TMEM266: variants seen among roughly 807,000 people sequenced by gnomAD.
The protein encoded by TMEM266 is transmembrane protein 266.
TMEM266 carries 33 observed loss-of-function variants against 50.5 expected under a neutral mutation model. That is an observed-to-expected ratio of 0.65 (90% confidence interval 0.50 to 0.87). The LOEUF (loss-of-function observed/expected upper bound fraction) is 0.87. Among genes scored for constraint, TMEM266 ranks in the 40% least tolerant of loss-of-function variants. TMEM266 has a pLI of 0.00. For missense variants in TMEM266, 655 were observed against 695.1 expected (o/e 0.94, Z 0.65); for synonymous variants, 310 against 292.3 (o/e 1.06, Z -0.62).
At position 76,169,889 on chromosome 15, in the gene TMEM266, A is replaced by G. The variant is rs1203523751; in HGVS notation, c.513+17A>G. 4.3e-6 allele frequency: 7 copies of G among 1,610,802 alleles called. No homozygotes were observed. Among genetic ancestry groups the G allele is most frequent in the East Asian group, 2.2e-5 (1 of 44,854 alleles). ...AAAATAGAGGTAAAGACCAATGTCC[A>G]CCCCCAAAGCCCCCACTCTGCCATC... On this transcript the variant is annotated intron_variant, in intron 6 of 10. Transcript: ENST00000388942.
intron 9 of TMEM266, 139 bp downstream of exon 9, chr15:76,192,296 A>G (rs948551879): frequency 6.8e-5 from 54 of 796,194 alleles, no homozygotes; most frequent in Non-Finnish European, 9.2e-5. Context: ...TGATTGGGGG[A>G]CACGCTCAGA....
At chr15:76,086,556 C>T (rs1466077486) in intron 1 of TMEM266, among the ~76,000 whole-genome samples, 1 of 152,206 alleles carries the variant, frequency 6.6e-6, no homozygotes, top group East Asian at 1.9e-4. Context: ...GTACTCTCCA[C>T]AGGCTGGGAG....
Position 76,118,806 on chromosome 15 carries a change from C to T in TMEM266, c.-96-15362C>T, listed in dbSNP as rs150052024. On this transcript the variant is annotated intron_variant, in intron 1 of 10. Transcript: ENST00000388942. ...TCCTTCCGGCATCCCAGGAGATTTA[C>T]GTAGAGTGTCATCACGTAGTAGCAT... Among the ~76,000 whole-genome samples, 4 of 152,284 alleles carry T rather than the reference C, an allele frequency of 2.6e-5. No homozygotes were observed. In the East Asian group the frequency reaches 7.7e-4, roughly 29 times the overall value.
chr15:76,144,780 C>T (rs1596132713), intron 3 of TMEM266, among the ~76,000 whole-genome samples: 1 of 152,166 alleles, frequency 6.6e-6, no homozygotes, highest in African/African-American at 2.4e-5. Flanking sequence ...TGCGTGTCCA[C>T]AGACGTGAAC....
intron 3 of TMEM266, among the ~76,000 whole-genome samples, chr15:76,138,222 C>CAAAA (rs376580547): frequency 2.8e-5 from 2 of 71,876 alleles, no homozygotes; most frequent in South Asian, 6.9e-4. Context: ...AACTCTGTCT[C>CAAAA]AAAAAAAAAA....
chr15:76,085,378 C>T (rs1022599892), intron 1 of TMEM266, among the ~76,000 whole-genome samples: 1 of 152,046 alleles, frequency 6.6e-6, no homozygotes, highest in African/African-American at 2.4e-5. Flanking sequence ...GTGCCTCAGC[C>T]TCCTGAGTAG....
rs1306587023 is a variant in TMEM266, at chr15:76,161,833, G to A, written c.456+1665G>A. Among the ~76,000 whole-genome samples the A allele has an allele frequency of 6.6e-6, 1 of 152,282 alleles. No individual in the cohort carries two copies. Among genetic ancestry groups the A allele is most frequent in the South Asian group, 2.1e-4 (1 of 4,832 alleles). Reference sequence around the variant, plus strand: ...CTCTGCCCGGCCAGGATTCCCTCCCGCAAACACATGGGCCGTGGCCAGATG... The same window carrying A: ...CTCTGCCCGGCCAGGATTCCCTCCCACAAACACATGGGCCGTGGCCAGATG... On this transcript the variant is annotated intron_variant, in intron 5 of 10. Coordinates refer to ENST00000388942, the MANE Select transcript of TMEM266 (RefSeq NM_152335.3). The surrounding 1 kb of genome is among the most constrained non-coding windows in gnomAD (Gnocchi z 4.1).
intron 9 of TMEM266, among the ~76,000 whole-genome samples, chr15:76,198,541 A>G (rs1410240552): frequency 6.6e-6 from 1 of 152,218 alleles, no homozygotes; most frequent in Non-Finnish European, 1.5e-5. Flanking sequence ...GTGGGCAGTG[A>G]GACTTCCTAC....
intron 3 of TMEM266, among the ~76,000 whole-genome samples, chr15:76,155,967 G>C (rs1459157538): frequency 2.0e-5 from 3 of 152,192 alleles, no homozygotes; most frequent in East Asian, 3.8e-4. Flanking sequence ...CGCTGCACTT[G>C]CCACATAGGC....
At chr15:76,069,726 G>C (rs2141983014) in intron 1 of TMEM266, among the ~76,000 whole-genome samples, 1 of 152,160 alleles carries the variant, frequency 6.6e-6, no homozygotes, top group Admixed American at 6.5e-5. Flanking sequence ...GCTGAGGCAG[G>C]AGAATTGCTT....
intron 1 of TMEM266, among the ~76,000 whole-genome samples, chr15:76,086,416 T>A (rs747369477): frequency 6.6e-6 from 1 of 152,220 alleles, no homozygotes; most frequent in Non-Finnish European, 1.5e-5. Context: ...GTGATGGAAA[T>A]GTTTTATATC....
At chr15:76,187,885 G>A (rs2038512055) in intron 8 of TMEM266, among the ~76,000 whole-genome samples, 1 of 152,190 alleles carries the variant, frequency 6.6e-6, no homozygotes, top group Non-Finnish European at 1.5e-5. Context: ...ATTCAGCAAC[G>A]TTTATTGAGT....
chr15:76,082,915 G>C (rs1340118922), intron 1 of TMEM266, among the ~76,000 whole-genome samples: 1 of 151,980 alleles, frequency 6.6e-6, no homozygotes, highest in Non-Finnish European at 1.5e-5. Context: ...GTTGCAGTGA[G>C]CGGAGATCGC....
intron 1 of TMEM266, among the ~76,000 whole-genome samples, chr15:76,121,247 A>G (rs1015347944): frequency 7.2e-5 from 11 of 152,150 alleles, no homozygotes; most frequent in East Asian, 3.8e-4. Flanking sequence ...GTATTTATAT[A>G]TAATACAAAG....
At chr15:76,199,630 C>G (rs1223481692) in intron 9 of TMEM266, among the ~76,000 whole-genome samples, 3 of 152,198 alleles carry the variant, frequency 2.0e-5, no homozygotes, top group Non-Finnish European at 4.4e-5. Context: ...TGCATTAGGG[C>G]AGTGTGATCA....
intron 3 of TMEM266, among the ~76,000 whole-genome samples, chr15:76,142,986 G>A (rs2037703334): frequency 6.6e-6 from 1 of 152,206 alleles, no homozygotes. Context: ...CTGATCGCTT[G>A]TGTCTGCCTC....
chr15:76,169,700 C>A, intron 5 of TMEM266, 116 bp from the exon 6 acceptor site: 2 of 1,161,306 alleles, frequency 1.7e-6, no homozygotes, highest in Non-Finnish European at 2.5e-6. Context: ...TAGTGGATGG[C>A]GGAGACCTTT....
At chr15:76,180,877 G>C (rs1346364659) in intron 8 of TMEM266, 6 of 152,104 alleles carry the variant, frequency 3.9e-5, no homozygotes, top group Admixed American at 3.9e-4. Context: ...CCCTCCCAAA[G>C]TGCTGTGATT....
intron 3 of TMEM266, among the ~76,000 whole-genome samples, chr15:76,151,248 C>G (rs927241718): frequency 6.6e-6 from 1 of 152,164 alleles, no homozygotes; most frequent in African/African-American, 2.4e-5. Context: ...GCTGATTTCC[C>G]CTTTGGCCCA....
Sources: allele counts gnomAD v4.1 joint callset (sites outside exome capture counted in the v4.1 genomes callset), GRCh38; gene constraint gnomAD v4.1.1; non-coding constraint Gnocchi (gnomAD v3.1); transcripts MANE v1.5; gene names NCBI Gene and HGNC (gene_info 2026-07-23, HGNC 2026-07-21).